Variants in RNF11 observed in about 807,000 individuals in gnomAD.
RNF11 encodes ring finger protein 11.
Under a neutral mutation model 15.8 loss-of-function variants are expected in RNF11, and 4 were observed. That is an observed-to-expected ratio of 0.25 (90% CI 0.12 to 0.58). The LOEUF is 0.58. Ranked by LOEUF, RNF11 falls within the 20% of genes least tolerant of loss-of-function variation. The pLI is 0.91. For missense variants in RNF11, 139 were observed against 194.4 expected, an observed-to-expected ratio of 0.71 and a Z score of 1.70; for synonymous variants, 68 against 72.3, an observed-to-expected ratio of 0.94 and a Z score of 0.30.
chr1:51,264,279 AAAAAAAAAAT>A (rs1460645010), intron 1 of RNF11, among the ~76,000 whole-genome samples: 1 of 93,874 alleles, frequency 1.1e-5, no homozygotes, highest in African/African-American at 4.7e-5. Flanking sequence ...AAAAAAAAAA[AAAAAAAAAAT>A]ATATATATAT....
intron 1 of RNF11, among the ~76,000 whole-genome samples, chr1:51,253,075 T>C (rs1646888464): frequency 6.6e-6 from 1 of 152,060 alleles, no homozygotes; most frequent in Non-Finnish European, 1.5e-5. Flanking sequence ...TCCGCCCGCC[T>C]CTGCCTCCCA....
chr1:51,240,583 A>G (rs916021598), intron 1 of RNF11, among the ~76,000 whole-genome samples: 1 of 152,154 alleles, frequency 6.6e-6, no homozygotes, highest in African/African-American at 2.4e-5. Flanking sequence ...AAGTACTTAT[A>G]ACAGTGCCTG....
At chr1:51,252,836 T>TGTGTGTGTG (rs1646886118) in intron 1 of RNF11, among the ~76,000 whole-genome samples, 1 of 151,422 alleles carries the variant, frequency 6.6e-6, no homozygotes, top group Non-Finnish European at 1.5e-5. Flanking sequence ...TGTGTGTGTG[T>TGTGTGTGTG]TTGGGGGGGA....
chr1:51,248,132 G>A (rs1318272398), intron 1 of RNF11, among the ~76,000 whole-genome samples: 4 of 131,792 alleles, frequency 3.0e-5, no homozygotes, highest in East Asian at 2.1e-4. Context: ...ATGGAGCTTC[G>A]CTCTTGTTGC....
At chr1:51,264,282 AAAAAAATATATATATATAT>A (rs1646943920) in intron 1 of RNF11, among the ~76,000 whole-genome samples, 2 of 90,802 alleles carry the variant, frequency 2.2e-5, no homozygotes, top group Non-Finnish European at 4.1e-5. Context: ...AAAAAAAAAA[AAAAAAATATATATATATAT>A]ATATATATAT....
At chr1:51,243,066 T>C (rs1307264341) in intron 1 of RNF11, among the ~76,000 whole-genome samples, 1 of 152,244 alleles carries the variant, frequency 6.6e-6, no homozygotes, top group East Asian at 1.9e-4. Flanking sequence ...TCTGCTGATT[T>C]GTCATGTACA....
intron 1 of RNF11, chr1:51,266,081 A>G (rs866904909): frequency 6.6e-6 from 1 of 152,170 alleles, no homozygotes; most frequent in African/African-American, 2.4e-5. Context: ...ATGCTCAGAG[A>G]TATTAAGAAG....
intron 1 of RNF11, among the ~76,000 whole-genome samples, chr1:51,264,293 T>A (rs867159222): frequency 7.6e-4 from 59 of 77,602 alleles, no homozygotes; most frequent in African/African-American, 1.0e-3. Context: ...AAAAAATATA[T>A]ATATATATAT....
chr1:51,244,681 G>T (rs1646844382), intron 1 of RNF11, among the ~76,000 whole-genome samples: 1 of 152,072 alleles, frequency 6.6e-6, no homozygotes. Flanking sequence ...GCCTGAATTT[G>T]GTTTTGTGTT....
At chr1:51,245,921 T>C (rs903810351) in intron 1 of RNF11, among the ~76,000 whole-genome samples, 9 of 152,196 alleles carry the variant, frequency 5.9e-5, no homozygotes, top group African/African-American at 1.9e-4. Flanking sequence ...CAACCTCTTA[T>C]CACTTCCCTC....
intron 1 of RNF11, among the ~76,000 whole-genome samples, chr1:51,251,976 G>A (rs1303560726): frequency 6.6e-6 from 1 of 151,212 alleles, no homozygotes; most frequent in Non-Finnish European, 1.5e-5. Context: ...CTACTCAGGA[G>A]GCTGAGGCAA....
intron 1 of RNF11, among the ~76,000 whole-genome samples, chr1:51,252,057 AC>A (rs1458647515): frequency 6.8e-6 from 1 of 148,122 alleles, no homozygotes; most frequent in Non-Finnish European, 1.5e-5. Context: ...AGCCAGGGTG[AC>A]AGAGCAAGAC....
intron 1 of RNF11, 104 bp from the exon 2 acceptor site, chr1:51,269,852 C>G: frequency 1.1e-6 from 1 of 910,080 alleles, no homozygotes; most frequent in South Asian, 1.5e-5. Flanking sequence ...GCCCAGCTTC[C>G]TACCCCTCCC....
rs1246881241 is a variant in RNF11 at position 51,272,894 on chromosome 1, G to A, written c.*1572G>A. On this transcript the variant is annotated 3_prime_UTR_variant, in exon 3 of 3. Transcript: ENST00000242719. ...TATAGAGGAATGTAGTATGTCATAA[G>A]TACTTTGTAAAGATTTGACATTCAA... 6.6e-6 allele frequency: 1 copy of A among 152,090 alleles called. No individual in the cohort carries two copies. Among genetic ancestry groups the A allele is most frequent in the African/African-American group, 2.4e-5 (1 of 41,434 alleles). 9.4% of individuals were successfully genotyped at this position (152,090 alleles called of 1,614,324 possible).
Position 51,251,117 on chromosome 1 carries a change from G to C in RNF11, c.123+14238G>C, listed in dbSNP as rs571131910. ...TAGCAACAAACGCCTTGAACCTGGT[G>C]CGCTGGCCAGCACGGGTCTGCGTCT... On this transcript the variant is annotated intron_variant, in intron 1 of 2. Transcript: ENST00000242719. The C allele has an allele frequency of 4.5e-6, 7 of 1,551,636 alleles. No individual in the cohort carries two copies. In the East Asian group the frequency reaches 1.1e-4, roughly 25 times the overall value.
chr1:51,251,057 A>G lies in RNF11; in HGVS notation c.123+14178A>G, dbSNP rs191896911. Reference sequence around the variant, plus strand: ...CGGTGGCCACCTCCTTGGAGCACTTAACACCCAGACCGACGTGGCCATTGT... The same window carrying G: ...CGGTGGCCACCTCCTTGGAGCACTTGACACCCAGACCGACGTGGCCATTGT... On this transcript the variant is annotated intron_variant, in intron 1 of 2. Transcript: ENST00000242719. 1.6e-3 allele frequency: 2,519 copies of G among 1,540,362 alleles called. 29 individuals carry two copies. The African/African-American group carries it at 0.031, about 19-fold the overall frequency.
intron 1 of RNF11, among the ~76,000 whole-genome samples, chr1:51,243,840 G>T (rs1001318689): frequency 6.6e-6 from 1 of 152,174 alleles, no homozygotes; most frequent in Non-Finnish European, 1.5e-5. Flanking sequence ...TCATAGCCTT[G>T]TGCTTTCTTT....
chr1:51,268,731 G>C (rs975054713), intron 1 of RNF11, among the ~76,000 whole-genome samples: 2 of 152,204 alleles, frequency 1.3e-5, no homozygotes, highest in Non-Finnish European at 2.9e-5. Context: ...CTGAGGCTAA[G>C]ATTCAGGAAG....
chr1:51,257,937 T>C lies in RNF11; in HGVS notation c.124-12019T>C, dbSNP rs1646912850. Among the ~76,000 whole-genome samples, 6 of 135,574 alleles carry C rather than the reference T, an allele frequency of 4.4e-5. No homozygotes were observed. In the Admixed American group the frequency reaches 4.8e-4, roughly 11 times the overall value. 88.9% of individuals were successfully genotyped at this position (135,574 alleles called of 152,430 possible). A position where few individuals can be genotyped will look rare whatever the true frequency, so the allele number is the denominator to read the frequency against. On this transcript the variant is annotated intron_variant, in intron 1 of 2. Coordinates refer to ENST00000242719, the MANE Select transcript of RNF11 (RefSeq NM_014372.5). ...GGTGCAATCTTGGCTCACTGAAACC[T>C]CCGCCTCCCAGGGTCAAGCAGTTCT...
Sources: gnomAD v4.1 joint callset for allele counts (sites outside exome capture counted in the v4.1 genomes callset) on GRCh38, gnomAD v4.1.1 for gene constraint, MANE v1.5 for transcripts, NCBI Gene and HGNC (gene_info 2026-07-23, HGNC 2026-07-21) for gene names.